IRAK2: variants seen among roughly 807,000 people sequenced by gnomAD.
The protein encoded by IRAK2 is interleukin 1 receptor associated kinase 2, also known as interleukin-1 receptor-associated kinase-like 2.
A neutral mutation model predicts 72.0 loss-of-function variants in IRAK2; 57 were observed. The ratio of observed to expected loss-of-function variants is 0.79; its 90% confidence interval spans 0.64 to 0.99. The LOEUF (loss-of-function observed/expected upper bound fraction) is 0.99. IRAK2 is among the 50% of genes least tolerant of loss of function. IRAK2 has a pLI of 0.00. For missense variants in IRAK2, 790 were observed against 794.4 expected, an observed-to-expected ratio of 0.99 and a Z score of 0.07; for synonymous variants, 293 against 312.7, an observed-to-expected ratio of 0.94 and a Z score of 0.67.
intron 3 of IRAK2, among the ~76,000 whole-genome samples, chr3:10,200,790 A>G (rs1410641789): frequency 6.6e-6 from 1 of 152,170 alleles, no homozygotes; most frequent in African/African-American, 2.4e-5. Flanking sequence ...AGTCCCAGCT[A>G]TTCAGGAGGC....
At chr3:10,181,304 G>A (rs1696956139) in intron 2 of IRAK2, among the ~76,000 whole-genome samples, 1 of 151,456 alleles carries the variant, frequency 6.6e-6, no homozygotes, top group African/African-American at 2.4e-5. Context: ...GAGTGACTTT[G>A]TGTTAAAAAA....
At chr3:10,195,369 C>G (rs1052821182) in intron 2 of IRAK2, among the ~76,000 whole-genome samples, 3 of 152,082 alleles carry the variant, frequency 2.0e-5, no homozygotes, top group African/African-American at 7.2e-5. Flanking sequence ...CCAGGCTGGG[C>G]AACATAGTGA....
intron 6 of IRAK2, among the ~76,000 whole-genome samples, chr3:10,213,894 G>A (rs1426670078): frequency 1.3e-5 from 2 of 151,776 alleles, no homozygotes; most frequent in East Asian, 3.9e-4. Flanking sequence ...TTCCACATGG[G>A]AATAAATCTT....
chr3:10,215,416 T>TAAAAAAAAAA (rs1559449326), intron 6 of IRAK2, among the ~76,000 whole-genome samples: 1 of 134,120 alleles, frequency 7.5e-6, no homozygotes. Context: ...AAAAAAAAAT[T>TAAAAAAAAAA]AATTAATTAA....
intron 2 of IRAK2, among the ~76,000 whole-genome samples, chr3:10,184,657 T>A (rs1697017399): frequency 6.6e-6 from 1 of 150,878 alleles, no homozygotes; most frequent in African/African-American, 2.5e-5. Context: ...TCTATAGCAG[T>A]CAACAAATCT....
At chr3:10,186,141 T>C (rs759723155) in intron 2 of IRAK2, among the ~76,000 whole-genome samples, 10 of 151,640 alleles carry the variant, frequency 6.6e-5, no homozygotes, top group Non-Finnish European at 1.2e-4. Context: ...AAGTGGAGCT[T>C]CCACGTTCAT....
chr3:10,181,403 AG>A (rs1462109384), intron 2 of IRAK2, among the ~76,000 whole-genome samples: 1 of 152,152 alleles, frequency 6.6e-6, no homozygotes, highest in Non-Finnish European at 1.5e-5. Flanking sequence ...TGAGGTCAGG[AG>A]TTTGAAACCA....
chr3:10,200,350 C>A lies in IRAK2; in HGVS notation c.278-19C>A. ...CACTTCATGGAATAGTAATAACTTTCTTTCCACCTTGTTTTCAGGGAAACC... is the reference window on the plus strand; with the variant it reads ...CACTTCATGGAATAGTAATAACTTTATTTCCACCTTGTTTTCAGGGAAACC... On this transcript the variant is annotated intron_variant, in intron 2 of 12. Transcript: ENST00000256458. 6.4e-7 allele frequency: 1 copy of A among 1,568,486 alleles called. No individual in the cohort carries two copies. Among genetic ancestry groups the A allele is most frequent in the African/African-American group, 1.4e-5 (1 of 73,356 alleles).
intron 4 of IRAK2, 116 bp from the exon 5 acceptor site, chr3:10,213,091 C>T (rs2125155962): frequency 1.2e-6 from 1 of 856,068 alleles, no homozygotes; most frequent in Non-Finnish European, 1.8e-6. Flanking sequence ...TTTACAGTTT[C>T]CATTGGATAA....
intron 3 of IRAK2, among the ~76,000 whole-genome samples, chr3:10,208,017 T>C (rs1321383415): frequency 2.2e-5 from 3 of 134,294 alleles, no homozygotes; most frequent in Admixed American, 7.7e-5. Flanking sequence ...AAAAAGAACA[T>C]AGACACTGGA....
At chr3:10,188,008 G>A (rs757647537) in intron 2 of IRAK2, among the ~76,000 whole-genome samples, 2 of 152,194 alleles carry the variant, frequency 1.3e-5, no homozygotes, top group Admixed American at 6.5e-5. Context: ...GCTTAGGAGG[G>A]GACTGTGGGC....
intron 11 of IRAK2, 107 bp from the exon 12 acceptor site, chr3:10,238,641 G>C: frequency 1.9e-6 from 2 of 1,072,682 alleles, no homozygotes; most frequent in East Asian, 2.4e-5. Context: ...ACCAGCATTA[G>C]GTTCTTCAGT....
intron 8 of IRAK2, among the ~76,000 whole-genome samples, chr3:10,221,674 G>A (rs1322776114): frequency 6.6e-6 from 1 of 151,672 alleles, no homozygotes; most frequent in Admixed American, 6.6e-5. Context: ...CCACAGGCAC[G>A]CACCACCATG....
chr3:10,218,175 G>T (rs1575980918), intron 7 of IRAK2, among the ~76,000 whole-genome samples: 2 of 152,188 alleles, frequency 1.3e-5, no homozygotes, highest in Admixed American at 1.3e-4. Context: ...TGTAATCCCA[G>T]TACATTGGGA....
At chr3:10,192,717 G>A (rs1322616980) in intron 2 of IRAK2, among the ~76,000 whole-genome samples, 1 of 152,098 alleles carries the variant, frequency 6.6e-6, no homozygotes, top group Non-Finnish European at 1.5e-5. Flanking sequence ...TCAGGAGTTC[G>A]AGACCAGCCT....
chr3:10,172,311 G>T (rs1696806142), intron 1 of IRAK2, among the ~76,000 whole-genome samples: 1 of 152,018 alleles, frequency 6.6e-6, no homozygotes, highest in Non-Finnish European at 1.5e-5. Context: ...AGCTTGCAGT[G>T]AGCAGAGATC....
chr3:10,230,877 C>A (rs916456299), intron 10 of IRAK2, among the ~76,000 whole-genome samples: 2 of 152,132 alleles, frequency 1.3e-5, no homozygotes, highest in African/African-American at 4.8e-5. Flanking sequence ...CTCAGTCTCC[C>A]AAGTAGCTGG....
chr3:10,222,883 C>T (rs758949157), intron 9 of IRAK2, 52 bp downstream of exon 9: 15 of 1,497,210 alleles, frequency 1.0e-5, no homozygotes, highest in Middle Eastern at 1.8e-4. Context: ...TTTGTCCTTC[C>T]CACGGCTCCT....
intron 10 of IRAK2, among the ~76,000 whole-genome samples, chr3:10,227,269 G>A (rs1348172398): frequency 2.6e-5 from 4 of 151,924 alleles, no homozygotes; most frequent in African/African-American, 7.3e-5. Context: ...GCAACATGGC[G>A]AAACCCTGTC....
Sources: allele counts gnomAD v4.1 joint callset (sites outside exome capture counted in the v4.1 genomes callset), GRCh38; gene constraint gnomAD v4.1.1; transcripts MANE v1.5; gene names NCBI Gene and HGNC (gene_info 2026-07-23, HGNC 2026-07-21).